Variants in PTPRD observed in about 807,000 individuals in gnomAD.
The protein encoded by PTPRD is protein tyrosine phosphatase receptor type D, also known as receptor-type tyrosine-protein phosphatase delta.
Under a neutral mutation model 214.5 loss-of-function variants are expected in PTPRD, and 34 were observed. That is an observed-to-expected ratio of 0.16 (90% CI 0.12 to 0.21). The LOEUF is 0.21. Among genes scored for constraint, PTPRD ranks in the 10% least tolerant of loss-of-function variants. The probability of loss-of-function intolerance (pLI) is 1.00; values close to 1 mark genes in which losing one functional copy is unlikely to be tolerated. For synonymous variants in PTPRD, 1,128 were observed against 845.7 expected (o/e 1.33, Z -5.79); for missense variants, 2,545 against 2,398.7 (o/e 1.06, Z -1.27).
intron 8 of PTPRD, among the ~76,000 whole-genome samples, chr9:9,423,879 T>C (rs1379109797): frequency 1.3e-5 from 2 of 152,016 alleles, no homozygotes; most frequent in Non-Finnish European, 2.9e-5. Flanking sequence ...AATACAAAAC[T>C]TACGAGAAAC....
At chr9:10,547,905 T>C (rs757984154) in intron 2 of PTPRD, among the ~76,000 whole-genome samples, 8 of 152,072 alleles carry the variant, frequency 5.3e-5, no homozygotes, top group Non-Finnish European at 1.0e-4. Context: ...AATAGAGATG[T>C]AGTTGCATGG....
intron 3 of PTPRD, among the ~76,000 whole-genome samples, chr9:10,248,262 T>C (rs960444831): frequency 6.6e-6 from 1 of 152,056 alleles, no homozygotes; most frequent in Non-Finnish European, 1.5e-5. Flanking sequence ...TCAACGTTTT[T>C]TGGGGTGATC....
intron 10 of PTPRD, among the ~76,000 whole-genome samples, chr9:9,098,350 G>T (rs2099786664): frequency 6.6e-6 from 1 of 152,042 alleles, no homozygotes; most frequent in Admixed American, 6.6e-5. Context: ...TCCGTCTACT[G>T]GGTTCAAGTG....
rs1215892065 is a variant in PTPRD, at chr9:8,316,272, T to C, written c.*1602A>G. 4.3e-6 allele frequency: 1 copy of C among 230,378 alleles called. No homozygotes were observed. The highest frequency in any genetic ancestry group is 6.2e-5 in the East Asian group (1 of 16,234). 14.3% of individuals were successfully genotyped at this position (230,378 alleles called of 1,614,324 possible). ...TAATGCTTTAATAGAAAGTAACAGA[T>C]ACGAACAGTGAATGGAAATACGAAC... On this transcript the variant is annotated 3_prime_UTR_variant, in exon 46 of 46. Coordinates refer to ENST00000381196, the MANE Select transcript of PTPRD (RefSeq NM_002839.4).
chr9:9,373,414 G>A (rs577270770), intron 9 of PTPRD, among the ~76,000 whole-genome samples: 38 of 152,070 alleles, frequency 2.5e-4, no homozygotes, highest in South Asian at 8.3e-4. Context: ...GTAACAAATC[G>A]CATACTACAT....
chr9:9,002,603 G>T (rs2099428648), intron 11 of PTPRD, among the ~76,000 whole-genome samples: 1 of 151,980 alleles, frequency 6.6e-6, no homozygotes, highest in Non-Finnish European at 1.5e-5. Context: ...CCTTTATGAT[G>T]TCTAATTTAT....
At chr9:9,384,850 T>C (rs1209995681) in intron 9 of PTPRD, among the ~76,000 whole-genome samples, 2 of 152,102 alleles carry the variant, frequency 1.3e-5, no homozygotes, top group Non-Finnish European at 2.9e-5. Context: ...CCTTATGGAA[T>C]GAGACATTAG....
intron 10 of PTPRD, among the ~76,000 whole-genome samples, chr9:9,160,395 A>G (rs988363457): frequency 3.3e-5 from 5 of 152,218 alleles, no homozygotes; most frequent in Non-Finnish European, 7.3e-5. Flanking sequence ...ATTTTTCAGA[A>G]GAAGACAAAC....
chr9:9,153,182 A>T (rs2099878337), intron 10 of PTPRD, among the ~76,000 whole-genome samples: 1 of 152,232 alleles, frequency 6.6e-6, no homozygotes, highest in Non-Finnish European at 1.5e-5. Flanking sequence ...AGTAAGCTTG[A>T]TTATTATTTC....
At chr9:8,965,020 T>C (rs1167001160) in intron 11 of PTPRD, among the ~76,000 whole-genome samples, 1 of 152,082 alleles carries the variant, frequency 6.6e-6, no homozygotes, top group Non-Finnish European at 1.5e-5. Context: ...ATATATTCTA[T>C]GGTGATGGGT....
intron 9 of PTPRD, among the ~76,000 whole-genome samples, chr9:9,288,849 T>G (rs760019991): frequency 2.4e-4 from 37 of 151,730 alleles, no homozygotes; most frequent in Non-Finnish European, 4.4e-4. Flanking sequence ...CGAGTTCTCA[T>G]GAGATCTGAT....
intron 2 of PTPRD, among the ~76,000 whole-genome samples, chr9:10,403,441 C>T (rs959115800): frequency 1.3e-5 from 2 of 150,934 alleles, no homozygotes; most frequent in African/African-American, 2.4e-5. Context: ...AATTGAATAA[C>T]TCTTCACACC....
At chr9:8,930,244 GAA>G (rs983815593) in intron 11 of PTPRD, among the ~76,000 whole-genome samples, 1 of 151,790 alleles carries the variant, frequency 6.6e-6, no homozygotes, top group Non-Finnish European at 1.5e-5. Flanking sequence ...AGTTTGCTGA[GAA>G]TGATGGTTTC....
intron 8 of PTPRD, among the ~76,000 whole-genome samples, chr9:9,432,086 A>C (rs1212531404): frequency 1.3e-5 from 2 of 149,090 alleles, no homozygotes; most frequent in Non-Finnish European, 3.0e-5. Flanking sequence ...TAATAATAAT[A>C]ATAAAAGAAA....
rs118106766 is a variant in PTPRD at position 8,613,364 on chromosome 9, A to G, written c.352+19953T>C. Among the ~76,000 whole-genome samples the G allele has an allele frequency of 4.6e-3, 697 of 152,294 alleles. 3 individuals are homozygous for G. Among genetic ancestry groups the G allele is most frequent in the Non-Finnish European group, 8.0e-3 (546 of 68,028 alleles). ...TCCCTGACATTAATGCTAAGGGTGT[A>G]AACATTATAATATCTTACTTTGCCT... is the stretch of plus-strand genomic sequence containing the variant. On this transcript the variant is annotated intron_variant, in intron 14 of 45. Transcript: ENST00000381196.
chr9:10,055,246 T>A (rs984689340), intron 3 of PTPRD, among the ~76,000 whole-genome samples: 1 of 152,164 alleles, frequency 6.6e-6, no homozygotes, highest in Non-Finnish European at 1.5e-5. Context: ...CCTGCTTTAC[T>A]GGTCTGGTGC....
At chr9:9,116,261 T>C (rs1055536002) in intron 10 of PTPRD, among the ~76,000 whole-genome samples, 1 of 152,130 alleles carries the variant, frequency 6.6e-6, no homozygotes, top group Admixed American at 6.6e-5. Flanking sequence ...TATAAATATA[T>C]ACTTACTATG....
chr9:8,697,370 G>A (rs1460933255), intron 12 of PTPRD, among the ~76,000 whole-genome samples: 1 of 137,660 alleles, frequency 7.3e-6, no homozygotes, highest in African/African-American at 2.7e-5. Flanking sequence ...CAGATTGTAA[G>A]TTTGTTGTTG....
At chr9:8,334,270 A>G (rs1440517394) in intron 43 of PTPRD, among the ~76,000 whole-genome samples, 1 of 152,154 alleles carries the variant, frequency 6.6e-6, no homozygotes, top group African/African-American at 2.4e-5. Context: ...AACATTGACC[A>G]CATAATTGGA....
Sources: allele counts gnomAD v4.1 joint callset (sites outside exome capture counted in the v4.1 genomes callset), GRCh38; gene constraint gnomAD v4.1.1; transcripts MANE v1.5; gene names NCBI Gene and HGNC (gene_info 2026-07-23, HGNC 2026-07-21).